Variants in SNTG1 observed in about 807,000 individuals in gnomAD.
SNTG1 encodes gamma-1-syntrophin.
SNTG1 carries 39 observed loss-of-function variants against 74.7 expected under a neutral mutation model. That is an observed-to-expected ratio of 0.52 (90% CI 0.40 to 0.68). The LOEUF (loss-of-function observed/expected upper bound fraction) is 0.68, where lower values mean the gene tolerates loss of function less well. SNTG1 is among the 30% of genes least tolerant of loss of function. SNTG1 has a pLI of 0.00. For missense variants in SNTG1, 685 were observed against 609.5 expected (o/e 1.12, Z -1.30); for synonymous variants, 254 against 217.1 (o/e 1.17, Z -1.49).
chr8:50,225,465 A>G (rs944377330), intron 2 of SNTG1, among the ~76,000 whole-genome samples: 4 of 152,078 alleles, frequency 2.6e-5, no homozygotes, highest in African/African-American at 9.7e-5. Context: ...CACACACCCC[A>G]CCACCTTGAG....
At chr8:50,470,153 A>C (rs2093640396) in intron 8 of SNTG1, among the ~76,000 whole-genome samples, 1 of 152,222 alleles carries the variant, frequency 6.6e-6, no homozygotes, top group Admixed American at 6.5e-5. Flanking sequence ...GAATTGAAGG[A>C]ATATAAATTC....
At chr8:50,382,309 G>A (rs887915572) in intron 2 of SNTG1, 1 of 151,924 alleles carries the variant, frequency 6.6e-6, no homozygotes, top group African/African-American at 2.4e-5. Flanking sequence ...GTATAACATA[G>A]AAATATCTAG....
intron 2 of SNTG1, among the ~76,000 whole-genome samples, chr8:50,265,579 C>T (rs980251733): frequency 6.6e-6 from 1 of 151,930 alleles, no homozygotes; most frequent in Non-Finnish European, 1.5e-5. Context: ...AGAGTATTTG[C>T]TTTTGTCACT....
At chr8:50,302,168 G>T (rs942638876) in intron 2 of SNTG1, among the ~76,000 whole-genome samples, 1 of 152,160 alleles carries the variant, frequency 6.6e-6, no homozygotes, top group Admixed American at 6.5e-5. Context: ...AGACCGGTGT[G>T]TGGATTGGGG....
chr8:50,390,267 A>G (rs886246215), intron 2 of SNTG1, among the ~76,000 whole-genome samples: 3 of 152,170 alleles, frequency 2.0e-5, no homozygotes, highest in Non-Finnish European at 1.5e-5. Flanking sequence ...TGTATAAGGT[A>G]TAAGGAAGGG....
intron 8 of SNTG1, among the ~76,000 whole-genome samples, chr8:50,484,859 C>CAA (rs1027673294): frequency 1.6e-5 from 2 of 128,218 alleles, no homozygotes; most frequent in African/African-American, 5.7e-5. Flanking sequence ...GACTCCATCT[C>CAA]AAAAAAAAAA....
At position 50,487,352 on chromosome 8, in the gene SNTG1, T is replaced by G. The variant is rs900850566; in HGVS notation, c.364-15426T>G. Among the ~76,000 whole-genome samples the G allele has an allele frequency of 6.0e-4, 92 of 152,282 alleles. 1 individual carries two copies. Among genetic ancestry groups the G allele is most frequent in the Admixed American group, 3.1e-3 (47 of 15,286 alleles). The stretch of plus-strand genomic sequence containing the variant: ...CCCATTACTGGGTATATACCCAAAG[T>G]ACTATAAATCATGCTGCTATAAAGA... On this transcript the variant is annotated intron_variant, in intron 8 of 18. Transcript: ENST00000642720.
chr8:49,958,214 A>G (rs1456507678), intron 1 of SNTG1, among the ~76,000 whole-genome samples: 1 of 152,144 alleles, frequency 6.6e-6, no homozygotes, highest in Non-Finnish European at 1.5e-5. Flanking sequence ...GGGATCACAG[A>G]TCAGCACTTT....
At chr8:50,435,246 A>G (rs183018358) in intron 4 of SNTG1, among the ~76,000 whole-genome samples, 1 of 152,286 alleles carries the variant, frequency 6.6e-6, no homozygotes, top group African/African-American at 2.4e-5. Flanking sequence ...AAGATTAAAT[A>G]AAGGCATTAT....
At chr8:50,139,768 C>G (rs1437935362) in intron 1 of SNTG1, among the ~76,000 whole-genome samples, 1 of 152,192 alleles carries the variant, frequency 6.6e-6, no homozygotes, top group Non-Finnish European at 1.5e-5. Context: ...TTTCATGTGC[C>G]CACTGTGCAC....
At chr8:50,503,705 T>C (rs546994493) in intron 9 of SNTG1, among the ~76,000 whole-genome samples, 3 of 152,280 alleles carry the variant, frequency 2.0e-5, no homozygotes, top group Admixed American at 6.6e-5. Context: ...TCTTAGTTTG[T>C]TCATTTATAT....
At chr8:50,419,531 TAAA>T (rs1437449250) in intron 4 of SNTG1, among the ~76,000 whole-genome samples, 2 of 152,208 alleles carry the variant, frequency 1.3e-5, no homozygotes, top group African/African-American at 4.8e-5. Context: ...AGCCCAGTGA[TAAA>T]GAAGCCATCG....
chr8:50,233,341 A>G (rs188399592), intron 2 of SNTG1, among the ~76,000 whole-genome samples: 13 of 151,824 alleles, frequency 8.6e-5, no homozygotes, highest in Non-Finnish European at 1.8e-4. Context: ...GGTGCTGGTA[A>G]CAATTGGATA....
At chr8:50,393,916 C>T (rs144569702) in intron 2 of SNTG1, among the ~76,000 whole-genome samples, 71 of 152,278 alleles carry the variant, frequency 4.7e-4, no homozygotes, top group African/African-American at 1.4e-3. Context: ...AGAGGTTGAT[C>T]TGATGATACA....
chr8:50,686,742 G>T (rs2095353954), intron 15 of SNTG1, among the ~76,000 whole-genome samples: 1 of 152,100 alleles, frequency 6.6e-6, no homozygotes. Flanking sequence ...AAAGTTGTCA[G>T]CTTGAAACAG....
chr8:50,211,680 T>A (rs949323820), intron 2 of SNTG1, among the ~76,000 whole-genome samples: 4 of 152,124 alleles, frequency 2.6e-5, no homozygotes, highest in Non-Finnish European at 5.9e-5. Flanking sequence ...AGATTCCACG[T>A]CTTATTTTTT....
At chr8:50,083,757 C>T (rs1822621698) in intron 1 of SNTG1, among the ~76,000 whole-genome samples, 1 of 152,046 alleles carries the variant, frequency 6.6e-6, no homozygotes, top group South Asian at 2.1e-4. Flanking sequence ...GTCCTGTTTC[C>T]TGAGAAAATA....
intron 2 of SNTG1, among the ~76,000 whole-genome samples, chr8:50,220,692 C>G (rs566171509): frequency 6.6e-6 from 1 of 152,206 alleles, no homozygotes; most frequent in Admixed American, 6.5e-5. Context: ...GAGTGCAGCA[C>G]AGTAGGAAGA....
intron 11 of SNTG1, among the ~76,000 whole-genome samples, chr8:50,543,216 C>T (rs993181235): frequency 6.6e-6 from 1 of 152,082 alleles, no homozygotes; most frequent in South Asian, 2.1e-4. Context: ...TTCAGGCTTT[C>T]GATTTAAGTG....
Sources: gnomAD v4.1 joint callset for allele counts (sites outside exome capture counted in the v4.1 genomes callset) on GRCh38, gnomAD v4.1.1 for gene constraint, MANE v1.5 for transcripts, NCBI Gene and HGNC (gene_info 2026-07-23, HGNC 2026-07-21) for gene names.